The following NPAS3 variants were observed in gnomAD, a reference collection of about 807,000 sequenced individuals.
NPAS3 encodes the protein neuronal PAS domain-containing protein 3.
In NPAS3, 14 loss-of-function variants were observed where a neutral mutation model predicts 73.1. The ratio of observed to expected loss-of-function variants is 0.19; its 90% CI spans 0.13 to 0.30. NPAS3 has a LOEUF of 0.30. NPAS3 is among the 10% of genes least tolerant of loss of function. The pLI, the probability that NPAS3 is intolerant of heterozygous loss-of-function variation, is 1.00. For synonymous variants in NPAS3, 620 were observed against 541.5 expected, an observed-to-expected ratio of 1.14 and a Z score of -2.01; for missense variants, 1,096 against 1,250.0, an observed-to-expected ratio of 0.88 and a Z score of 1.86.
chr14:33,134,325 A>T (rs2043754029), intron 2 of NPAS3, among the ~76,000 whole-genome samples: 1 of 151,874 alleles, frequency 6.6e-6, no homozygotes, highest in Non-Finnish European at 1.5e-5. Context: ...TTCCATTCGC[A>T]TTTCCCTTGA....
chr14:33,276,857 G>A (rs2140040650), intron 3 of NPAS3, among the ~76,000 whole-genome samples: 1 of 152,046 alleles, frequency 6.6e-6, no homozygotes, highest in South Asian at 2.1e-4. Flanking sequence ...TTCTTCTAAG[G>A]TAGAATTCTG....
intron 3 of NPAS3, among the ~76,000 whole-genome samples, chr14:33,333,954 T>C (rs990626062): frequency 8.5e-5 from 13 of 152,112 alleles, no homozygotes; most frequent in African/African-American, 3.1e-4. Context: ...AATTCTCCCC[T>C]GGAAAATTTT....
At chr14:33,763,244 G>A (rs1022837230) in intron 7 of NPAS3, among the ~76,000 whole-genome samples, 2 of 152,190 alleles carry the variant, frequency 1.3e-5, no homozygotes, top group Non-Finnish European at 2.9e-5. Flanking sequence ...TCCATAAAGC[G>A]AGACATTTCG....
chr14:33,553,947 G>A (rs976087700), intron 4 of NPAS3, among the ~76,000 whole-genome samples: 1 of 152,148 alleles, frequency 6.6e-6, no homozygotes, highest in African/African-American at 2.4e-5. Flanking sequence ...GAGTGCATTC[G>A]GAGGGCAATA....
intron 7 of NPAS3, among the ~76,000 whole-genome samples, chr14:33,752,435 T>C (rs1281241055): frequency 6.6e-6 from 1 of 152,070 alleles, no homozygotes; most frequent in Non-Finnish European, 1.5e-5. Flanking sequence ...GGGGACATCA[T>C]CCCCAATTGA....
chr14:33,099,768 A>T (rs932136929), intron 2 of NPAS3, among the ~76,000 whole-genome samples: 2 of 152,188 alleles, frequency 1.3e-5, no homozygotes. Context: ...ACCTATGTAT[A>T]TACCCATCTC....
chr14:33,069,027 C>A (rs1289287350), intron 2 of NPAS3, among the ~76,000 whole-genome samples: 1 of 152,064 alleles, frequency 6.6e-6, no homozygotes, highest in African/African-American at 2.4e-5. Flanking sequence ...GAAATGAGAC[C>A]TAACTGATTT....
chr14:33,483,002 T>C (rs892573199), intron 4 of NPAS3, among the ~76,000 whole-genome samples: 3 of 152,204 alleles, frequency 2.0e-5, no homozygotes, highest in African/African-American at 7.2e-5. Flanking sequence ...AAGACAATGC[T>C]AGATGACAGT....
At chr14:33,180,595 C>G (rs953431954) in intron 2 of NPAS3, among the ~76,000 whole-genome samples, 1 of 151,724 alleles carries the variant, frequency 6.6e-6, no homozygotes, top group South Asian at 2.1e-4. Flanking sequence ...GTCAGGAGAT[C>G]GAGACCATCC....
At chr14:33,703,428 A>G (rs181219179) in intron 6 of NPAS3, among the ~76,000 whole-genome samples, 5 of 152,252 alleles carry the variant, frequency 3.3e-5, no homozygotes, top group African/African-American at 1.2e-4. Context: ...TGGAAAGTTG[A>G]GGCTACAGTG....
intron 4 of NPAS3, among the ~76,000 whole-genome samples, chr14:33,453,876 G>C (rs1412885620): frequency 1.3e-5 from 2 of 152,158 alleles, no homozygotes; most frequent in African/African-American, 4.8e-5. Flanking sequence ...TGTTAGTAGA[G>C]ATGGGGATTC....
intron 5 of NPAS3, among the ~76,000 whole-genome samples, chr14:33,671,693 G>C (rs933578289): frequency 6.6e-6 from 1 of 152,230 alleles, no homozygotes; most frequent in African/African-American, 2.4e-5. Flanking sequence ...CAACGTGAGA[G>C]AGTAAGTAAG....
intron 2 of NPAS3, among the ~76,000 whole-genome samples, chr14:33,080,957 C>T (rs771418562): frequency 6.6e-5 from 10 of 152,026 alleles, no homozygotes; most frequent in African/African-American, 1.2e-4. Flanking sequence ...TCCCAGAGGC[C>T]GTTTGTTAAT....
chr14:33,030,101 G>C (rs1003541369), intron 1 of NPAS3, among the ~76,000 whole-genome samples: 1 of 152,180 alleles, frequency 6.6e-6, no homozygotes, highest in South Asian at 2.1e-4. Flanking sequence ...GTTGAGGAAA[G>C]TAAAAAGTAA....
At chr14:33,043,184 A>G (rs116590860) in intron 1 of NPAS3, among the ~76,000 whole-genome samples, 112 of 152,280 alleles carry the variant, frequency 7.4e-4, no homozygotes, top group African/African-American at 2.5e-3. Context: ...GATTTATGAT[A>G]AGAACACATT....
intron 3 of NPAS3, among the ~76,000 whole-genome samples, chr14:33,333,056 A>G (rs981811296): frequency 3.9e-5 from 6 of 152,354 alleles, no homozygotes; most frequent in African/African-American, 1.2e-4. Context: ...TATGCATACA[A>G]TAGTCAGAGC....
rs71406561 is a variant in NPAS3 at position 33,544,788 on chromosome 14, T to TTATATATA, written c.469-15317_469-15310dup. 3.0e-4 allele frequency among the ~76,000 whole-genome samples: 19 copies of TTATATATA among 63,264 alleles called. 1 individual carries two copies. Among genetic ancestry groups the TTATATATA allele is most frequent in the African/African-American group, 1.2e-3 (14 of 11,584 alleles). 41.5% of individuals were successfully genotyped at this position (63,264 alleles called of 152,430 possible). ...GCATGTATGTGTTTATGTGTGTGTA[T>TTATATATA]TATATATATATATATATATATATGT... On this transcript the variant is annotated intron_variant, in intron 4 of 11. Coordinates refer to ENST00000356141, the Ensembl canonical transcript of NPAS3.
chr14:33,307,740 T>C (rs1030785283), intron 3 of NPAS3, among the ~76,000 whole-genome samples: 2 of 152,330 alleles, frequency 1.3e-5, no homozygotes, highest in Non-Finnish European at 2.9e-5. Context: ...TCATTTAATA[T>C]TCTCCAATCA....
chr14:33,199,895 C>A (rs748201117), intron 2 of NPAS3, among the ~76,000 whole-genome samples: 1 of 152,076 alleles, frequency 6.6e-6, no homozygotes, highest in African/African-American at 2.4e-5. Flanking sequence ...TCTTTCAACA[C>A]GTACTTATCG....
Sources: gnomAD v4.1 joint callset for allele counts (sites outside exome capture counted in the v4.1 genomes callset) on GRCh38, gnomAD v4.1.1 for gene constraint, MANE v1.5 for transcripts, NCBI Gene and HGNC (gene_info 2026-07-23, HGNC 2026-07-21) for gene names.